The following HPSE2 variants were observed in gnomAD, a reference collection of about 807,000 sequenced individuals.
HPSE2 encodes heparanase 2 (inactive), also known as inactive heparanase-2.
In HPSE2, 38 loss-of-function variants were observed where a neutral mutation model predicts 60.5. The ratio of observed to expected loss-of-function variants is 0.63; its 90% CI spans 0.48 to 0.82. HPSE2 has a LOEUF of 0.82. Ranked by LOEUF, HPSE2 falls within the 40% of genes least tolerant of loss-of-function variation. The probability of loss-of-function intolerance (pLI) is 0.00; values close to 1 mark genes in which losing one functional copy is unlikely to be tolerated. For synonymous variants in HPSE2, 295 were observed against 293.2 expected, an observed-to-expected ratio of 1.01 and a Z score of -0.06; for missense variants, 713 against 740.4, an observed-to-expected ratio of 0.96 and a Z score of 0.43.
intron 3 of HPSE2, among the ~76,000 whole-genome samples, chr10:98,814,324 A>T (rs773505804): frequency 3.5e-4 from 53 of 152,198 alleles, no homozygotes; most frequent in Non-Finnish European, 6.6e-4. Context: ...AGCTAAACTC[A>T]CTTATTAGTC....
intron 9 of HPSE2, among the ~76,000 whole-genome samples, chr10:98,513,781 A>G (rs1252080456): frequency 2.0e-5 from 3 of 152,204 alleles, no homozygotes; most frequent in Non-Finnish European, 4.4e-5. Flanking sequence ...CCAGTGAAAC[A>G]TTTCCTAGTG....
At position 99,123,528 on chromosome 10, in the gene HPSE2, T is replaced by C. The variant is rs576242936; in HGVS notation, c.610+20710A>G. 8.5e-4 allele frequency among the ~76,000 whole-genome samples: 129 copies of C among 152,330 alleles called. 1 individual carries two copies. The highest frequency in any genetic ancestry group is 2.9e-3 in the African/African-American group (122 of 41,584). ...TCTCTCCTTATCGCTTCTCTCCTTC[T>C]TGTTGCCCACAACAAGGCAAGTGGG... On this transcript the variant is annotated intron_variant, in intron 3 of 11. Transcript: ENST00000370552.
At chr10:99,310,436 A>G in the HPSE2 span, among the ~76,000 whole-genome samples, 1 of 152,336 alleles carries the variant, frequency 6.6e-6, no homozygotes, top group Non-Finnish European at 1.5e-5. Context: ...AAAAACCTAC[A>G]GTGTTCTTTG....
intron 2 of HPSE2, among the ~76,000 whole-genome samples, chr10:99,208,733 A>T (rs76289072): frequency 0.016 from 2,475 of 152,132 alleles, 31 homozygotes; most frequent in Non-Finnish European, 0.026. Flanking sequence ...GAATGGATTT[A>T]AAAAAATACT....
chr10:99,106,632 ATAATAT>A (rs1221464725), intron 3 of HPSE2, among the ~76,000 whole-genome samples: 1 of 151,718 alleles, frequency 6.6e-6, no homozygotes. Flanking sequence ...AATAATAATA[ATAATAT>A]TAATAATGGC....
At chr10:98,572,992 G>A (rs1001383241) in intron 9 of HPSE2, among the ~76,000 whole-genome samples, 1 of 152,162 alleles carries the variant, frequency 6.6e-6, no homozygotes, top group Non-Finnish European at 1.5e-5. Flanking sequence ...TAAGGTCCTT[G>A]GCACAATATT....
At chr10:99,081,282 T>C (rs921439998) in intron 3 of HPSE2, among the ~76,000 whole-genome samples, 1 of 152,234 alleles carries the variant, frequency 6.6e-6, no homozygotes, top group Non-Finnish European at 1.5e-5. Flanking sequence ...TGCTCTTTTG[T>C]TTGTATTTAA....
intron 6 of HPSE2, 35 bp from the exon 7 acceptor site, chr10:98,641,975 C>A: frequency 1.3e-6 from 2 of 1,550,520 alleles, no homozygotes; most frequent in Non-Finnish European, 1.8e-6. Context: ...CAGATAAAAT[C>A]TCAAGCAAGG....
the HPSE2 span, among the ~76,000 whole-genome samples, chr10:99,244,283 C>G: frequency 6.6e-6 from 1 of 151,986 alleles, no homozygotes; most frequent in Non-Finnish European, 1.5e-5. Context: ...TCCCAAAGTA[C>G]TGGGATTACA....
intron 6 of HPSE2, among the ~76,000 whole-genome samples, chr10:98,668,625 T>G (rs558608): frequency 0.19 from 28,556 of 152,130 alleles, 3,141 homozygotes; most frequent in East Asian, 0.34. Context: ...CATCTGATCT[T>G]CAATGAACTT....
At chr10:99,305,979 G>GCACGCACACACACACACACACACA in the HPSE2 span, among the ~76,000 whole-genome samples, 61 of 80,580 alleles carry the variant, frequency 7.6e-4, no homozygotes, top group African/African-American at 3.0e-3. Context: ...GCGCGCGCGC[G>GCACGCACACACACACACACACACA]CACACACACA....
intron 5 of HPSE2, among the ~76,000 whole-genome samples, chr10:98,716,132 T>C (rs1039233956): frequency 5.3e-5 from 8 of 152,026 alleles, no homozygotes; most frequent in Non-Finnish European, 8.8e-5. Flanking sequence ...TTTTATTTGC[T>C]CATTTATGAG....
intron 3 of HPSE2, among the ~76,000 whole-genome samples, chr10:98,922,799 C>T (rs907221278): frequency 3.3e-5 from 5 of 152,110 alleles, no homozygotes; most frequent in Non-Finnish European, 7.4e-5. Context: ...AACTTAGTGC[C>T]CTGGCTTTTT....
chr10:98,919,927 A>C (rs11189864), intron 3 of HPSE2, among the ~76,000 whole-genome samples: 17,934 of 152,160 alleles, frequency 0.12, 1,126 homozygotes, highest in South Asian at 0.21. Flanking sequence ...AATTGGAAGA[A>C]AGTACTCCAG....
In HPSE2 at chr10:98,459,457, G is replaced by T; in HGVS notation, c.*117C>A. On this transcript the variant is annotated 3_prime_UTR_variant, in exon 12 of 12. Transcript: ENST00000370552. ...GGAGAGCAAGTCTGTGTTGATTCCA[G>T]CAGGATGGGGCAGCAGGGGCTGGTT... 1.8e-6 allele frequency: 2 copies of T among 1,100,656 alleles called. No homozygotes were observed. The highest frequency in any genetic ancestry group is 2.8e-6 in the Non-Finnish European group (2 of 715,326). 68.2% of individuals were successfully genotyped at this position (1,100,656 alleles called of 1,614,324 possible). A position where few individuals can be genotyped will look rare whatever the true frequency, so the allele number is the denominator to read the frequency against.
At chr10:99,269,151 C>T in the HPSE2 span, among the ~76,000 whole-genome samples, 4 of 150,418 alleles carry the variant, frequency 2.7e-5, no homozygotes, top group Admixed American at 1.3e-4. Flanking sequence ...AAGAGCGAGA[C>T]TTCGTCAAAA....
At chr10:99,087,132 T>C (rs1262523281) in intron 3 of HPSE2, among the ~76,000 whole-genome samples, 1 of 152,244 alleles carries the variant, frequency 6.6e-6, no homozygotes, top group Non-Finnish European at 1.5e-5. Context: ...AAATGAAAAC[T>C]TCACTGGAGC....
At chr10:98,756,067 C>T (rs1036762126) in intron 3 of HPSE2, among the ~76,000 whole-genome samples, 2 of 152,012 alleles carry the variant, frequency 1.3e-5, no homozygotes, top group African/African-American at 2.4e-5. Flanking sequence ...AACCTGTTCC[C>T]GAATGACTTT....
intron 11 of HPSE2, among the ~76,000 whole-genome samples, chr10:98,468,301 G>T (rs1431449517): frequency 6.6e-6 from 1 of 152,200 alleles, no homozygotes; most frequent in Non-Finnish European, 1.5e-5. Flanking sequence ...CCTGCAGGTG[G>T]TGTCGCCTGG....
Sources: gnomAD v4.1 joint callset for allele counts (sites outside exome capture counted in the v4.1 genomes callset) on GRCh38, gnomAD v4.1.1 for gene constraint, MANE v1.5 for transcripts, NCBI Gene and HGNC (gene_info 2026-07-23, HGNC 2026-07-21) for gene names.